The following CCDC91 variants were observed in gnomAD, a reference collection of about 807,000 sequenced individuals.
CCDC91 encodes the protein coiled-coil domain containing 91, also known as coiled-coil domain-containing protein 91.
A neutral mutation model predicts 63.2 loss-of-function variants in CCDC91; 48 were observed. The ratio of observed to expected loss-of-function variants is 0.76; its 90% CI spans 0.60 to 0.97. The LOEUF (loss-of-function observed/expected upper bound fraction) is 0.97. Ranked by LOEUF, CCDC91 falls within the 50% of genes least tolerant of loss-of-function variation. The probability of loss-of-function intolerance (pLI) is 0.00; values close to 1 mark genes in which losing one functional copy is unlikely to be tolerated. For missense variants in CCDC91, 500 were observed against 494.6 expected (o/e 1.01, Z -0.10); for synonymous variants, 167 against 165.8 (o/e 1.01, Z -0.06).
intron 10 of CCDC91, 115 bp downstream of exon 10, chr12:28,450,533 ATTTCT>A (rs1565993987): frequency 1.4e-6 from 1 of 723,000 alleles, no homozygotes; most frequent in African/African-American, 1.8e-5. Context: ...AATCGTTTTT[ATTTCT>A]TTTATTTACT....
intron 1 of CCDC91, among the ~76,000 whole-genome samples, chr12:28,253,681 T>C (rs1230380837): frequency 6.6e-6 from 1 of 152,340 alleles, no homozygotes; most frequent in East Asian, 1.9e-4. Context: ...CTCTTTGACC[T>C]AATTTTTATG....
At chr12:28,409,828 T>C (rs1330738790) in intron 8 of CCDC91, among the ~76,000 whole-genome samples, 1 of 152,184 alleles carries the variant, frequency 6.6e-6, no homozygotes, top group African/African-American at 2.4e-5. Context: ...ATTTAGTTTC[T>C]AAATATGTCG....
At chr12:28,510,257 G>GTGTGTGTGTGTGTGTGTGTGTT (rs1481930938) in intron 12 of CCDC91, among the ~76,000 whole-genome samples, 1 of 150,798 alleles carries the variant, frequency 6.6e-6, no homozygotes, top group Non-Finnish European at 1.5e-5. Flanking sequence ...GTGTGTGTGT[G>GTGTGTGTGTGTGTGTGTGTGTT]TAGAAAGAGA....
chr12:28,271,312 A>G (rs770395372), intron 3 of CCDC91, among the ~76,000 whole-genome samples: 3 of 151,924 alleles, frequency 2.0e-5, no homozygotes, highest in African/African-American at 4.8e-5. Flanking sequence ...TTTCATGATC[A>G]TTATTTTCTA....
intron 12 of CCDC91, among the ~76,000 whole-genome samples, chr12:28,531,265 T>C (rs1941707221): frequency 6.6e-6 from 1 of 152,166 alleles, no homozygotes; most frequent in Admixed American, 6.6e-5. Context: ...GTACTTTAAA[T>C]AGATCTAACA....
chr12:28,512,614 A>G, intron 12 of CCDC91, among the ~76,000 whole-genome samples: 1 of 151,888 alleles, frequency 6.6e-6, no homozygotes, highest in East Asian at 1.9e-4. Flanking sequence ...TTTACATGCA[A>G]CAACAGCAGA....
At chr12:28,519,706 C>A (rs1456310615) in intron 12 of CCDC91, among the ~76,000 whole-genome samples, 1 of 146,746 alleles carries the variant, frequency 6.8e-6, no homozygotes, top group African/African-American at 2.5e-5. Flanking sequence ...TCTCCTAATG[C>A]TATCCCTCCC....
chr12:28,534,413 G>GTA (rs1941987841), intron 12 of CCDC91, among the ~76,000 whole-genome samples: 1 of 152,140 alleles, frequency 6.6e-6, no homozygotes, highest in Non-Finnish European at 1.5e-5. Context: ...GAACCTTGTA[G>GTA]AGGGAGCATC....
At chr12:28,428,931 A>T (rs1262487637) in intron 8 of CCDC91, among the ~76,000 whole-genome samples, 1 of 151,386 alleles carries the variant, frequency 6.6e-6, no homozygotes, top group African/African-American at 2.4e-5. Flanking sequence ...GTCTATATAA[A>T]TTTTTTTTTA....
chr12:28,191,634 C>T (rs1941257276), intron 1 of CCDC91, among the ~76,000 whole-genome samples: 2 of 152,136 alleles, frequency 1.3e-5, no homozygotes, highest in Admixed American at 1.3e-4. Context: ...AACCCTTCCC[C>T]CCCCCACAAT....
chr12:28,538,711 A>G (rs2141758658), intron 12 of CCDC91, among the ~76,000 whole-genome samples: 1 of 152,276 alleles, frequency 6.6e-6, no homozygotes, highest in South Asian at 2.1e-4. Flanking sequence ...GAACTAGTTT[A>G]CAGTCCCACC....
intron 11 of CCDC91, among the ~76,000 whole-genome samples, chr12:28,477,627 C>A (rs1488824505): frequency 4.6e-5 from 7 of 151,840 alleles, no homozygotes; most frequent in Admixed American, 3.9e-4. Flanking sequence ...GGCAATCAGG[C>A]AGGAGAAAGA....
At chr12:28,300,278 C>CT (rs1362496612) in intron 3 of CCDC91, among the ~76,000 whole-genome samples, 1 of 151,320 alleles carries the variant, frequency 6.6e-6, no homozygotes, top group Non-Finnish European at 1.5e-5. Flanking sequence ...TTATTTAATA[C>CT]TTTTTTCCAA....
intron 7 of CCDC91, among the ~76,000 whole-genome samples, chr12:28,364,636 T>C (rs888401315): frequency 6.6e-6 from 1 of 152,118 alleles, no homozygotes; most frequent in Non-Finnish European, 1.5e-5. Flanking sequence ...TGAGAAATGT[T>C]TGGGGAAGAA....
chr12:28,445,304 C>G (rs1188642797), intron 8 of CCDC91, among the ~76,000 whole-genome samples: 1 of 152,214 alleles, frequency 6.6e-6, no homozygotes, highest in Middle Eastern at 3.4e-3. Flanking sequence ...TATCCTACCT[C>G]TTAGTCCCCC....
At chr12:28,206,116 T>A (rs1422367180) in intron 1 of CCDC91, among the ~76,000 whole-genome samples, 1 of 152,150 alleles carries the variant, frequency 6.6e-6, no homozygotes, top group Non-Finnish European at 1.5e-5. Flanking sequence ...TTCCTTAAAG[T>A]CTTAGTTTGA....
chr12:28,479,126 G>A (rs539077651), intron 11 of CCDC91, among the ~76,000 whole-genome samples: 1 of 152,216 alleles, frequency 6.6e-6, no homozygotes, highest in Admixed American at 6.5e-5. Context: ...TATACCTAAA[G>A]GATTGTAAAT....
At chr12:28,329,418 A>G (rs1398192293) in intron 6 of CCDC91, among the ~76,000 whole-genome samples, 1 of 152,100 alleles carries the variant, frequency 6.6e-6, no homozygotes, top group Non-Finnish European at 1.5e-5. Flanking sequence ...TTCATAGGTG[A>G]AACTGTTTTT....
chr12:28,435,907 G>A (rs533467342), intron 8 of CCDC91, among the ~76,000 whole-genome samples: 32 of 151,738 alleles, frequency 2.1e-4, no homozygotes, highest in Non-Finnish European at 4.4e-4. Context: ...TCCTGTGTCT[G>A]AAATATAGCT....
Sources: gnomAD v4.1 joint callset for allele counts (sites outside exome capture counted in the v4.1 genomes callset) on GRCh38, gnomAD v4.1.1 for gene constraint, MANE v1.5 for transcripts, NCBI Gene and HGNC (gene_info 2026-07-23, HGNC 2026-07-21) for gene names.